TYK2: variants seen among roughly 807,000 people sequenced by gnomAD.
TYK2 encodes the protein tyrosine kinase 2, also known as non-receptor tyrosine-protein kinase TYK2.
A neutral mutation model predicts 130.9 loss-of-function variants in TYK2; 65 were observed. That is an observed-to-expected ratio of 0.50 (90% CI 0.41 to 0.61). TYK2 has a LOEUF of 0.61. Among genes scored for constraint, TYK2 ranks in the 20% least tolerant of loss-of-function variants. The pLI, the probability that TYK2 is intolerant of heterozygous loss-of-function variation, is 0.00. For missense variants in TYK2, 1,378 were observed against 1,610.7 expected, an observed-to-expected ratio of 0.86 and a Z score of 2.47; for synonymous variants, 647 against 658.9, an observed-to-expected ratio of 0.98 and a Z score of 0.28.
Position 10,365,847 on chromosome 19 carries a change from G to A in TYK2, c.681C>T (p.Ser227=), listed in dbSNP as rs369887335. The part of the protein sequence containing the change: ...RSFRRHIRQH[S]ALTRLRLRNV... ...TCCGAAGGCGCAGCCGGGTCAGGGCGCTGTGCTGCCGGATATGCCGGCGGA... is the reference window on the plus strand; with the variant it reads ...TCCGAAGGCGCAGCCGGGTCAGGGCACTGTGCTGCCGGATATGCCGGCGGA... Residue 227 remains serine (S), a synonymous_variant, in exon 7 of 25, where the codon AGC becomes AGT. Coordinates refer to ENST00000525621, the MANE Select transcript of TYK2 (RefSeq NM_003331.5). The A allele has an allele frequency of 4.2e-5, 67 of 1,612,304 alleles. No homozygotes were observed. The highest frequency in any genetic ancestry group is 1.5e-4 in the Admixed American group (9 of 59,858).
Position 10,362,306 on chromosome 19 carries a change from C to T in TYK2, c.1627G>A (p.Asp543Asn), listed in dbSNP as rs747616008. Residue 543 changes from aspartate to asparagine, a missense_variant, in exon 11 of 25, where the codon GAC becomes AAC. Physicochemically the swap from Asp to Asn is conservative, Grantham distance 23. Coordinates refer to ENST00000525621, the MANE Select transcript of TYK2 (RefSeq NM_003331.5). The part of the protein sequence containing the change: ...LQGCLLRAGD[D>N]CFSLRRCCLP... ...CAACAGCGACGCAGAGAGAAGCAGTCATCCCCGGCCCTCAGCAAGCAGCCC... is the reference window on the plus strand; with the variant it reads ...CAACAGCGACGCAGAGAGAAGCAGTTATCCCCGGCCCTCAGCAAGCAGCCC... 40 of 1,614,072 alleles carry T rather than the reference C, an allele frequency of 2.5e-5. No individual in the cohort carries two copies. The African/African-American group carries it at 3.7e-4, about 15-fold the overall frequency.
intron 3 of TYK2, among the ~76,000 whole-genome samples, chr19:10,368,956 G>A (rs569583681): frequency 6.6e-6 from 1 of 152,028 alleles, no homozygotes; most frequent in South Asian, 2.1e-4. Context: ...TTACAGGTGT[G>A]CGCCACCAAC....
chr19:10,366,675 G>T, intron 5 of TYK2, 95 bp from the exon 6 acceptor site: 1 of 1,341,628 alleles, frequency 7.5e-7, no homozygotes, highest in Non-Finnish European at 1.1e-6. Flanking sequence ...GGACCACACT[G>T]GAAGAAGTGT....
At chr19:10,377,822 ATGTATGGATGGATGCG>A (rs2145365675) in intron 3 of TYK2, among the ~76,000 whole-genome samples, 1 of 49,766 alleles carries the variant, frequency 2.0e-5, no homozygotes, top group Non-Finnish European at 3.6e-5. Flanking sequence ...GGGTGGGTGG[ATGTATGGATGGATGCG>A]TGGGTGGATG....
intron 3 of TYK2, among the ~76,000 whole-genome samples, chr19:10,377,078 A>C (rs2042146643): frequency 6.6e-6 from 1 of 151,864 alleles, no homozygotes; most frequent in Non-Finnish European, 1.5e-5. Context: ...ATTTCTAAAA[A>C]TTATTTTGTT....
chr19:10,353,993 C>T lies in TYK2; in HGVS notation c.2908+49G>A. The T allele has an allele frequency of 6.3e-7, 1 of 1,595,332 alleles. No individual in the cohort carries two copies. The highest frequency in any genetic ancestry group is 1.3e-5 in the African/African-American group (1 of 74,660). ...CCCCGCCCACAAGGCCACACCCACG[C>T]TCTAACCACGCCCCCTCAAGTCTCT... On this transcript the variant is annotated intron_variant, in intron 20 of 24. Transcript: ENST00000525621. This position sits in a 1 kb window ranked among gnomAD's most constrained non-coding sequence, Gnocchi z 6.9.
intron 18 of TYK2, among the ~76,000 whole-genome samples, chr19:10,355,928 C>T (rs1056808286): frequency 6.6e-6 from 1 of 151,794 alleles, no homozygotes; most frequent in Non-Finnish European, 1.5e-5. Flanking sequence ...CACCACTGCA[C>T]TCCAGCCTGG....
intron 7 of TYK2, 80 bp downstream of exon 7, chr19:10,365,437 G>C: frequency 2.5e-6 from 4 of 1,596,780 alleles, no homozygotes; most frequent in Non-Finnish European, 3.4e-6. Context: ...GCCACCCTCA[G>C]AGGCTAGGGT....
chr19:10,380,124 G>A (rs1418669075), intron 1 of TYK2, among the ~76,000 whole-genome samples: 1 of 152,244 alleles, frequency 6.6e-6, no homozygotes, highest in Non-Finnish European at 1.5e-5. Context: ...GGCAGAGAAA[G>A]TGCCTGGTAT....
Position 10,354,056 on chromosome 19 carries a change from C to A in TYK2, c.2894G>T (p.Cys965Phe). ...YHEHIIKYKG[C>F]CEDQGEKSLQ... ...GTCCCGCCCACCTTGGTCCTCGCAG[C>A]AGCCCTTGTACTTGATGATGTGCTC... is the stretch of plus-strand genomic sequence containing the variant. The change falls in exon 20 of 25, where the codon TGC (cysteine) becomes TTC (phenylalanine). Residue 965 changes from cysteine (C) to phenylalanine (F), a missense_variant. Cys to Phe is a radical substitution (Grantham distance 205). Transcript: ENST00000525621. 1 of 1,614,136 alleles carries A rather than the reference C, an allele frequency of 6.2e-7. No individual in the cohort carries two copies.
intron 14 of TYK2, among the ~76,000 whole-genome samples, chr19:10,360,139 G>A (rs1004707239): frequency 1.3e-5 from 2 of 151,500 alleles, no homozygotes; most frequent in African/African-American, 2.4e-5. Context: ...CCGAGATCAC[G>A]CCACTGTATT....
chr19:10,368,816 T>C (rs1370063757), intron 3 of TYK2: 1 of 212,024 alleles, frequency 4.7e-6, no homozygotes, highest in Non-Finnish European at 9.8e-6. Context: ...AGTAAAACTT[T>C]TTTTTTTTTT....
rs2042323528 is a variant in TYK2, at chr19:10,380,470, CCTCCGGCCGCG to C, written c.-287_-277del. The C allele has an allele frequency of 6.6e-6, 1 of 152,578 alleles. No homozygotes were observed. Among genetic ancestry groups the C allele is most frequent in the African/African-American group, 2.4e-5 (1 of 41,466 alleles). 9.5% of individuals were successfully genotyped at this position (152,578 alleles called of 1,614,324 possible). A position where few individuals can be genotyped will look rare whatever the true frequency, so the allele number is the denominator to read the frequency against. On this transcript the variant is annotated 5_prime_UTR_variant, in exon 1 of 25. Coordinates refer to ENST00000525621, the MANE Select transcript of TYK2 (RefSeq NM_003331.5). The stretch of plus-strand genomic sequence containing the variant: ...AGTCCCCGCGGCTTCTTCCTGAGGA[CCTCCGGCCGCG>C]CTCCTTCCGCGCCCGCGTCCAGACT...
intron 9 of TYK2, 102 bp from the exon 10 acceptor site, chr19:10,362,759 G>T: frequency 9.9e-7 from 1 of 1,006,374 alleles, no homozygotes; most frequent in Non-Finnish European, 1.5e-6. Flanking sequence ...CACACACACA[G>T]CTAGGACAAG....
chr19:10,356,698 C>A lies in TYK2; in HGVS notation c.2487G>T (p.Arg829Ser). 1 of 1,610,102 alleles carries A rather than the reference C, an allele frequency of 6.2e-7. No individual in the cohort carries two copies. The highest frequency in any genetic ancestry group is 8.5e-7 in the Non-Finnish European group (1 of 1,178,488). The change falls in exon 18 of 25, where the codon AGG becomes AGT. Residue 829 changes from arginine to serine, a missense_variant. Physicochemically the swap from Arg to Ser is moderately radical, Grantham distance 110 (BLOSUM62 -1). Transcript: ENST00000525621. ...AGGAGGGCTCGGGCAGCCGGTGCTG[C>A]CTCTGGTAGAAATGCTCCTTCTGTT... The part of the protein sequence containing the change: ...SPSEKEHFYQ[R>S]QHRLPEPSCP...
chr19:10,364,699 C>T lies in TYK2; in HGVS notation c.1282G>A (p.Ala428Thr), dbSNP rs754798989. ...SLVDGYFRLT[A>T]DSSHYLCHEV... ...TGGCACAGGTAGTGGCTGGAGTCGGCCGTCAGGCGGAAATAGCCGTCCACC... is the reference window on the plus strand; with the variant it reads ...TGGCACAGGTAGTGGCTGGAGTCGGTCGTCAGGCGGAAATAGCCGTCCACC... The change falls in exon 9 of 25, where the codon GCC (alanine) becomes ACC (threonine). Residue 428 changes from alanine (A) to threonine (T), a missense_variant. Transcript: ENST00000525621. This position sits in a 1 kb window ranked among gnomAD's most constrained non-coding sequence, Gnocchi z 4.9. The T allele has an allele frequency of 8.7e-6, 14 of 1,613,590 alleles. No homozygotes were observed. The African/African-American group carries it at 1.7e-4, about 20-fold the overall frequency.
chr19:10,375,502 A>G (rs935429983), intron 3 of TYK2, among the ~76,000 whole-genome samples: 3 of 152,030 alleles, frequency 2.0e-5, no homozygotes, highest in African/African-American at 7.2e-5. Context: ...CTGTAATTCC[A>G]GCTACTCAGG....
Position 10,378,427 on chromosome 19 carries a change from C to G in TYK2, c.-20-1G>C, listed in dbSNP as rs1269162653. The G allele has an allele frequency of 6.2e-7, 1 of 1,604,354 alleles. No individual in the cohort carries two copies. The highest frequency in any genetic ancestry group is 1.3e-5 in the African/African-American group (1 of 74,964). On this transcript the variant is annotated splice_acceptor_variant, in intron 2 of 24. Coordinates refer to ENST00000525621, the MANE Select transcript of TYK2 (RefSeq NM_003331.5). LOFTEE classifies it low-confidence loss of function (5UTR_SPLICE). The stretch of plus-strand genomic sequence containing the variant: ...GGCATGCTCCCGGCAGGTGGCTCAG[C>G]TGGAAAGGGGACAATCTGTCAGCTC...
chr19:10,352,794 ACCCCC>A (rs1159185572), intron 22 of TYK2, 127 bp downstream of exon 22: 3 of 1,221,242 alleles, frequency 2.5e-6, no homozygotes, highest in Non-Finnish European at 3.3e-6. Context: ...CATAGGCCCC[ACCCCC>A]GCACCGCTAG....
Sources: allele counts gnomAD v4.1 joint callset (sites outside exome capture counted in the v4.1 genomes callset), GRCh38; gene constraint gnomAD v4.1.1; non-coding constraint Gnocchi (gnomAD v3.1); transcripts MANE v1.5; gene names NCBI Gene and HGNC (gene_info 2026-07-23, HGNC 2026-07-21).